Variants in CDK19 observed in about 807,000 individuals in gnomAD.
CDK19 encodes the protein cyclin-dependent kinase 19.
Under a neutral mutation model 68.3 loss-of-function variants are expected in CDK19, and 20 were observed. The observed-to-expected ratio is 0.29, with a 90% CI of 0.21 to 0.43. The LOEUF is 0.43. Among genes scored for constraint, CDK19 ranks in the 20% least tolerant of loss-of-function variants. The pLI is 1.00. For missense variants in CDK19, 339 were observed against 623.5 expected (o/e 0.54, Z 4.86); for synonymous variants, 221 against 222.8 (o/e 0.99, Z 0.07).
At chr6:110,772,673 G>T (rs527875625) in intron 1 of CDK19, among the ~76,000 whole-genome samples, 1 of 152,296 alleles carries the variant, frequency 6.6e-6, no homozygotes, top group South Asian at 2.1e-4. Context: ...CAGGAGGGTT[G>T]TTTGAGGCCA....
Position 110,621,939 on chromosome 6 carries a change from C to G in CDK19, c.1110+149G>C. On this transcript the variant is annotated intron_variant, in intron 11 of 12. Coordinates refer to ENST00000368911, the MANE Select transcript of CDK19 (RefSeq NM_015076.5). This position sits in a 1 kb window ranked among gnomAD's most constrained non-coding sequence, Gnocchi z 5.4. The stretch of plus-strand genomic sequence containing the variant: ...CAAACTTCAAGGTACCTTTACAATC[C>G]CCAAACTTCCACAGAAAATAAGATA... The G allele has an allele frequency of 2.1e-6, 1 of 483,270 alleles. No homozygotes were observed. The highest frequency in any genetic ancestry group is 3.6e-6 in the Non-Finnish European group (1 of 279,668). The allele number at this position is 483,270 out of a possible 1,614,324, so 29.9% of individuals were successfully genotyped here.
chr6:110,649,624 C>T (rs1780843203), intron 4 of CDK19, among the ~76,000 whole-genome samples: 3 of 151,642 alleles, frequency 2.0e-5, no homozygotes, highest in African/African-American at 7.3e-5. Context: ...ATTTAGTATC[C>T]AAAATAAAGA....
rs371128819 is a variant in CDK19, at chr6:110,713,131, A to G, written c.204+32995T>C. On this transcript the variant is annotated intron_variant, in intron 2 of 12. Transcript: ENST00000368911. ...AGACTCGCTTGAACCAGGGAGTTGG[A>G]GGTTGCGGTGAGCCAAGATCGTGCC... Among the ~76,000 whole-genome samples, 8 of 143,604 alleles carry G rather than the reference A, an allele frequency of 5.6e-5. No individual in the cohort carries two copies. The East Asian group carries it at 1.6e-3, about 29-fold the overall frequency. 94.2% of individuals were successfully genotyped at this position (143,604 alleles called of 152,430 possible).
Position 110,621,475 on chromosome 6 carries a change from T to A in CDK19, c.1111-105A>T. On this transcript the variant is annotated intron_variant, in intron 11 of 12. Coordinates refer to ENST00000368911, the MANE Select transcript of CDK19 (RefSeq NM_015076.5). This position sits in a 1 kb window ranked among gnomAD's most constrained non-coding sequence, Gnocchi z 5.4. ...GCTGCTGACCAACCTGGGGGAGCAATCTATGTGGGACACTAGAGTGATGGG... is the reference window on the plus strand; with the variant it reads ...GCTGCTGACCAACCTGGGGGAGCAAACTATGTGGGACACTAGAGTGATGGG... 3 of 1,106,876 alleles carry A rather than the reference T, an allele frequency of 2.7e-6. No homozygotes were observed. Among genetic ancestry groups the A allele is most frequent in the Admixed American group, 4.7e-5 (2 of 42,782 alleles). The allele number at this position is 1,106,876 out of a possible 1,614,324, so 68.6% of individuals were successfully genotyped here. A position where few individuals can be genotyped will look rare whatever the true frequency, so the allele number is the denominator to read the frequency against.
intron 2 of CDK19, chr6:110,722,158 C>T (rs552329045): frequency 3.9e-5 from 6 of 152,196 alleles, no homozygotes; most frequent in African/African-American, 1.4e-4. Flanking sequence ...TCACATAAAG[C>T]AATAATTAAA....
intron 2 of CDK19, among the ~76,000 whole-genome samples, chr6:110,701,179 G>C (rs1297371872): frequency 1.3e-5 from 2 of 151,864 alleles, no homozygotes; most frequent in African/African-American, 4.8e-5. Context: ...ACTCTAGCCT[G>C]GGTGACAGAG....
intron 1 of CDK19, among the ~76,000 whole-genome samples, chr6:110,804,345 T>C (rs1782530278): frequency 6.6e-6 from 1 of 151,966 alleles, no homozygotes. Context: ...AAGATTCTTT[T>C]TTCTTTTTTA....
Position 110,622,859 on chromosome 6 carries a change from A to T in CDK19, c.987T>A (p.Ala329=). Residue 329 remains alanine (A), a synonymous_variant, in exon 10 of 13, where the codon GCT becomes GCA. Transcript: ENST00000368911. ...DPTKRITSEQ[A]LQDPYFQEDP... Reference sequence around the variant, plus strand: ...CCTCCTGAAAATAGGGATCCTGCAGAGCTTGCTCCGAGGTAATTCTCTTGG... The same window carrying T: ...CCTCCTGAAAATAGGGATCCTGCAGTGCTTGCTCCGAGGTAATTCTCTTGG... 1.2e-6 allele frequency: 2 copies of T among 1,613,784 alleles called. No individual in the cohort carries two copies. Among genetic ancestry groups the T allele is most frequent in the Non-Finnish European group, 1.7e-6 (2 of 1,179,666 alleles).
At chr6:110,773,599 A>G (rs1454091264) in intron 1 of CDK19, among the ~76,000 whole-genome samples, 1 of 152,138 alleles carries the variant, frequency 6.6e-6, no homozygotes, top group Non-Finnish European at 1.5e-5. Flanking sequence ...ACATTATACT[A>G]ATGCTGTTTT....
intron 4 of CDK19, among the ~76,000 whole-genome samples, chr6:110,657,512 G>A (rs920669514): frequency 1.3e-5 from 2 of 152,108 alleles, no homozygotes; most frequent in African/African-American, 4.8e-5. Context: ...ATACCTTACT[G>A]TATATAAATT....
At chr6:110,637,628 C>T (rs1779864998) in intron 5 of CDK19, among the ~76,000 whole-genome samples, 1 of 152,206 alleles carries the variant, frequency 6.6e-6, no homozygotes. Context: ...CTGATTAACA[C>T]ATTTTAACAT....
At chr6:110,697,459 TG>T (rs1402525255) in intron 2 of CDK19, among the ~76,000 whole-genome samples, 6 of 151,080 alleles carry the variant, frequency 4.0e-5, no homozygotes, top group Non-Finnish European at 8.8e-5. Flanking sequence ...ACCAAGGAGG[TG>T]AAAGCTCTCC....
chr6:110,618,733 T>C (rs943872328), intron 12 of CDK19, among the ~76,000 whole-genome samples: 17 of 152,166 alleles, frequency 1.1e-4, no homozygotes, highest in African/African-American at 4.1e-4. Flanking sequence ...CACAAACAAC[T>C]GGTGGGCACA....
chr6:110,807,763 A>G (rs1383508621), intron 1 of CDK19, among the ~76,000 whole-genome samples: 1 of 151,760 alleles, frequency 6.6e-6, no homozygotes, highest in African/African-American at 2.4e-5. Context: ...GCCCAGCCAC[A>G]TTGTATATTT....
intron 1 of CDK19, among the ~76,000 whole-genome samples, chr6:110,782,210 G>A (rs1020151131): frequency 2.0e-5 from 3 of 152,172 alleles, no homozygotes; most frequent in Non-Finnish European, 1.5e-5. Flanking sequence ...TTTCCACTCT[G>A]AAATTATGCT....
At chr6:110,726,569 T>C (rs1336734244) in intron 2 of CDK19, among the ~76,000 whole-genome samples, 1 of 152,188 alleles carries the variant, frequency 6.6e-6, no homozygotes, top group African/African-American at 2.4e-5. Flanking sequence ...GGATCTTAAA[T>C]CTTAATTAAT....
At chr6:110,642,892 A>C (rs1464992880) in intron 4 of CDK19, among the ~76,000 whole-genome samples, 9 of 152,122 alleles carry the variant, frequency 5.9e-5, no homozygotes. Flanking sequence ...GAAAAGAGAG[A>C]AAAAGGAAAA....
chr6:110,774,494 G>A (rs928293741), intron 1 of CDK19, among the ~76,000 whole-genome samples: 5 of 152,124 alleles, frequency 3.3e-5, no homozygotes, highest in African/African-American at 4.8e-5. Flanking sequence ...GGACAGCGCT[G>A]GACAGCACAA....
At chr6:110,660,832 G>C (rs974711413) in intron 4 of CDK19, among the ~76,000 whole-genome samples, 1 of 152,152 alleles carries the variant, frequency 6.6e-6, no homozygotes, top group Non-Finnish European at 1.5e-5. Flanking sequence ...GGGTGGTTTT[G>C]GAAAAGGCAA....
Sources: gnomAD v4.1 joint callset for allele counts (sites outside exome capture counted in the v4.1 genomes callset) on GRCh38, gnomAD v4.1.1 for gene constraint, Gnocchi (gnomAD v3.1) non-coding constraint, MANE v1.5 for transcripts, NCBI Gene and HGNC (gene_info 2026-07-23, HGNC 2026-07-21) for gene names.